The following MTRFR variants were observed in gnomAD, a reference collection of about 807,000 sequenced individuals.
MTRFR encodes the protein probable peptide chain release factor C12orf65, mitochondrial.
Under a neutral mutation model 11.9 loss-of-function variants are expected in MTRFR, and 10 were observed. The observed-to-expected ratio is 0.84, with a 90% confidence interval of 0.52 to 1.42. MTRFR has a LOEUF of 1.42. MTRFR is among the 40% of genes most tolerant of loss of function. The pLI is 0.00. For synonymous variants in MTRFR, 77 were observed against 79.1 expected, an observed-to-expected ratio of 0.97 and a Z score of 0.14; for missense variants, 196 against 197.9, an observed-to-expected ratio of 0.99 and a Z score of 0.06.
At chr12:123,233,240 GC>G (rs1302941526), upstream of MTRFR, 1 of 152,318 alleles carries the variant, frequency 6.6e-6, no homozygotes. Context: ...GTTCCCCCTC[GC>G]GCAGCTCCAA....
At chr12:123,235,640 G>A (rs1209265869) in intron 1 of MTRFR, among the ~76,000 whole-genome samples, 18 of 151,378 alleles carry the variant, frequency 1.2e-4, no homozygotes. Context: ...CCACGGTGCT[G>A]GGATTACAGG....
In MTRFR at chr12:123,257,470, C is replaced by G. The variant is rs1464561680; in HGVS notation, c.*439C>G. On this transcript the variant is annotated 3_prime_UTR_variant, in exon 3 of 3. Coordinates refer to ENST00000253233, the MANE Select transcript of MTRFR (RefSeq NM_152269.5). ...GGCGGAGGTTGCAGTGAGCTGAGAT[C>G]GCGCCACTGCACTCAAGCCTGGGCA... 5.2e-6 allele frequency: 1 copy of G among 190,630 alleles called. No individual in the cohort carries two copies. The allele number at this position is 190,630 out of a possible 1,614,324, so 11.8% of individuals were successfully genotyped here.
chr12:123,239,755 A>G (rs1477687654), intron 1 of MTRFR, among the ~76,000 whole-genome samples: 1 of 152,122 alleles, frequency 6.6e-6, no homozygotes, highest in Non-Finnish European at 1.5e-5. Flanking sequence ...AACACAACAG[A>G]GGTGACATTT....
At chr12:123,245,774 A>G (rs544021557) in intron 1 of MTRFR, among the ~76,000 whole-genome samples, 1 of 152,232 alleles carries the variant, frequency 6.6e-6, no homozygotes, top group African/African-American at 2.4e-5. Flanking sequence ...AAACTTTGTG[A>G]ATTCTTTTAT....
intron 1 of MTRFR, among the ~76,000 whole-genome samples, chr12:123,242,442 G>C (rs906333539): frequency 1.3e-5 from 2 of 152,070 alleles, no homozygotes; most frequent in Admixed American, 1.3e-4. Context: ...AAAGACTTTG[G>C]ATTACTCTGT....
intron 1 of MTRFR, among the ~76,000 whole-genome samples, chr12:123,242,926 G>A (rs189016801): frequency 5.9e-5 from 9 of 152,256 alleles, no homozygotes; most frequent in East Asian, 1.9e-4. Flanking sequence ...AATTGAATCC[G>A]GGACTACAGG....
At chr12:123,243,480 A>T (rs2138762311) in intron 1 of MTRFR, among the ~76,000 whole-genome samples, 1 of 151,798 alleles carries the variant, frequency 6.6e-6, no homozygotes, top group Admixed American at 6.6e-5. Flanking sequence ...CAGTGAGCCA[A>T]GATCACACCA....
intron 2 of MTRFR, 161 bp downstream of exon 2, chr12:123,254,117 CCCATCCCTGAGCCATT>C (rs1387143415): frequency 1.2e-6 from 1 of 805,494 alleles, no homozygotes; most frequent in African/African-American, 1.7e-5. Flanking sequence ...CAGATCTCGT[CCCATCCCTGAGCCATT>C]CCTCCCTAAG....
chr12:123,239,784 A>G (rs2047903063), intron 1 of MTRFR, among the ~76,000 whole-genome samples: 1 of 152,002 alleles, frequency 6.6e-6, no homozygotes, highest in Non-Finnish European at 1.5e-5. Context: ...TTTTTCCCCC[A>G]GATGACCCAG....
At chr12:123,246,594 C>G (rs1669402204) in intron 1 of MTRFR, among the ~76,000 whole-genome samples, 1 of 151,762 alleles carries the variant, frequency 6.6e-6, no homozygotes, top group Non-Finnish European at 1.5e-5. Flanking sequence ...GCTGGGATTA[C>G]AGGCACCTGG....
intron 1 of MTRFR, among the ~76,000 whole-genome samples, chr12:123,234,357 A>C (rs2047796820): frequency 6.7e-6 from 1 of 148,898 alleles, no homozygotes; most frequent in Non-Finnish European, 1.5e-5. Flanking sequence ...GAGCTTCCTA[A>C]GTATACCTAC....
intron 1 of MTRFR, among the ~76,000 whole-genome samples, chr12:123,238,494 GGCATGGTGGCTCAT>G (rs539089146): frequency 2.0e-4 from 30 of 152,138 alleles, no homozygotes; most frequent in African/African-American, 5.5e-4. Flanking sequence ...AAACATGCTG[GGCATGGTGGCTCAT>G]GACTGTAATC....
rs979197568 is a variant in MTRFR at position 123,233,963 on chromosome 12, G to GT, written c.-29+442dup. The stretch of plus-strand genomic sequence containing the variant: ...TTGCTAGGCTTTTGCGGAGATACTC[G>GT]TTTTTTTTTTAATAGACGTGGGGTG... On this transcript the variant is annotated intron_variant, in intron 1 of 2. Transcript: ENST00000253233. 485 of 148,588 alleles carry GT rather than the reference G, an allele frequency of 3.3e-3. 3 individuals carry two copies. Among genetic ancestry groups the GT allele is most frequent in the African/African-American group, 0.01 (412 of 40,428 alleles). The allele number at this position is 148,588 out of a possible 1,614,324, so 9.2% of individuals were successfully genotyped here. A position where few individuals can be genotyped will look rare whatever the true frequency, so the allele number is the denominator to read the frequency against.
intron 2 of MTRFR, among the ~76,000 whole-genome samples, chr12:123,255,638 G>T (rs1028455701): frequency 6.6e-6 from 1 of 151,324 alleles, no homozygotes; most frequent in Non-Finnish European, 1.5e-5. Flanking sequence ...GTTTCGTTTT[G>T]TTTTTTGAGA....
rs757148270 is a variant in MTRFR, at chr12:123,253,717, C to T, written c.43C>T (p.Arg15Ter). ...ATTTCATTTTCCTACACCACTGACC[C>T]GAATATGCCCGGCGCCATGGGGACT... ...GLFHFPTPLT[R>*]ICPAPWGLRL... is the part of the protein sequence containing the mutation. Residue 15 changes from arginine (R) to a stop codon, truncating the protein, a stop_gained, in exon 2 of 3, where the codon CGA (arginine) becomes TGA (stop). Transcript: ENST00000253233. LOFTEE classifies it high-confidence loss of function. The T allele has an allele frequency of 5.3e-5, 85 of 1,614,032 alleles. No homozygotes were observed. The highest frequency in any genetic ancestry group is 7.6e-6 in the Non-Finnish European group (9 of 1,180,030).
chr12:123,252,640 G>C (rs2048127911), intron 1 of MTRFR: 1 of 151,906 alleles, frequency 6.6e-6, no homozygotes, highest in African/African-American at 2.4e-5. Flanking sequence ...CTCAGCCCTG[G>C]GTGGGGGTGG....
chr12:123,239,764 T>C (rs1400081008), intron 1 of MTRFR, among the ~76,000 whole-genome samples: 3 of 152,102 alleles, frequency 2.0e-5, no homozygotes, highest in Admixed American at 2.0e-4. Context: ...GAGGTGACAT[T>C]TTTTATTTTT....
In MTRFR at chr12:123,245,395, T is replaced by C. The variant is rs1373244050; in HGVS notation, c.-28-8252T>C. 3.9e-5 allele frequency among the ~76,000 whole-genome samples: 6 copies of C among 152,118 alleles called. No individual in the cohort carries two copies. In the East Asian group the frequency reaches 1.2e-3, roughly 29 times the overall value. On this transcript the variant is annotated intron_variant, in intron 1 of 2. Coordinates refer to ENST00000253233, the MANE Select transcript of MTRFR (RefSeq NM_152269.5). ...TTTTGGTTCCGTATGAATTTTAGATTTTTTTTTCTAATTCCGTGAAGAATG... is the reference window on the plus strand; with the variant it reads ...TTTTGGTTCCGTATGAATTTTAGATCTTTTTTTCTAATTCCGTGAAGAATG...
At chr12:123,235,277 T>C (rs2047826661) in intron 1 of MTRFR, among the ~76,000 whole-genome samples, 1 of 152,184 alleles carries the variant, frequency 6.6e-6, no homozygotes, top group African/African-American at 2.4e-5. Context: ...ATTGTGGCAT[T>C]GAGACATTGA....
Sources: gnomAD v4.1 joint callset for allele counts (sites outside exome capture counted in the v4.1 genomes callset) on GRCh38, gnomAD v4.1.1 for gene constraint, MANE v1.5 for transcripts, NCBI Gene and HGNC (gene_info 2026-07-23, HGNC 2026-07-21) for gene names.